UBAC2: variants seen among roughly 807,000 people sequenced by gnomAD.
UBAC2 encodes the protein ubiquitin-associated domain-containing protein 2.
A neutral mutation model predicts 44.0 loss-of-function variants in UBAC2; 26 were observed. The observed-to-expected ratio is 0.59, with a 90% CI of 0.43 to 0.82. The LOEUF is 0.82. UBAC2 is among the 40% of genes least tolerant of loss of function. The pLI, the probability that UBAC2 is intolerant of heterozygous loss-of-function variation, is 0.00. For synonymous variants in UBAC2, 155 were observed against 154.3 expected, an observed-to-expected ratio of 1.00 and a Z score of -0.04; for missense variants, 329 against 419.4, an observed-to-expected ratio of 0.78 and a Z score of 1.88.
At chr13:99,367,153 G>A (rs1241538610) in intron 7 of UBAC2, among the ~76,000 whole-genome samples, 3 of 152,128 alleles carry the variant, frequency 2.0e-5, no homozygotes, top group African/African-American at 4.8e-5. Flanking sequence ...TTCAGGATCC[G>A]TGGAGCCACC....
At chr13:99,201,680 C>G (rs964117216) in intron 1 of UBAC2, 2 of 1,167,746 alleles carry the variant, frequency 1.7e-6, no homozygotes, top group Admixed American at 4.6e-5. Context: ...GGTACAGCAA[C>G]GGAGAACAGC....
In UBAC2 at chr13:99,283,427, A is replaced by T. The variant is rs146137467; in HGVS notation, c.390-30670A>T. 3.3e-3 allele frequency among the ~76,000 whole-genome samples: 495 copies of T among 152,246 alleles called. 2 individuals carry two copies. The highest frequency in any genetic ancestry group is 5.0e-3 in the Non-Finnish European group (341 of 68,006). On this transcript the variant is annotated intron_variant, in intron 4 of 8. Coordinates refer to ENST00000403766, the MANE Select transcript of UBAC2 (RefSeq NM_001144072.2). ...TTGGAGATTTTTTTTTGACAGCAGG[A>T]TTTACCCTTTCTCTTAAGAAATCTT...
intron 7 of UBAC2, among the ~76,000 whole-genome samples, chr13:99,352,138 A>G (rs1034103065): frequency 2.6e-5 from 4 of 152,180 alleles, no homozygotes; most frequent in Non-Finnish European, 4.4e-5. Context: ...TTTGAATTCA[A>G]TAACTTTTTT....
intron 4 of UBAC2, among the ~76,000 whole-genome samples, chr13:99,286,461 T>C (rs2044020018): frequency 6.6e-6 from 1 of 152,154 alleles, no homozygotes; most frequent in African/African-American, 2.4e-5. Context: ...ACCAGCCATC[T>C]CTTATTAGGA....
intron 1 of UBAC2, chr13:99,215,386 G>A (rs2042980291): frequency 1.7e-6 from 2 of 1,208,764 alleles, no homozygotes; most frequent in African/African-American, 1.5e-5. Flanking sequence ...ACAGTCTTCT[G>A]TTGTCCTTTC....
At chr13:99,212,858 TTAAG>T (rs2042949904) in intron 1 of UBAC2, among the ~76,000 whole-genome samples, 1 of 152,248 alleles carries the variant, frequency 6.6e-6, no homozygotes, top group Admixed American at 6.5e-5. Context: ...CTCCATGTCA[TTAAG>T]TAATCTTCAA....
At chr13:99,244,679 G>C in intron 4 of UBAC2, 55 bp downstream of exon 4, 1 of 1,055,906 alleles carries the variant, frequency 9.5e-7, no homozygotes, top group Non-Finnish European at 1.4e-6. Context: ...CTGATTTAAA[G>C]TGTTATTATT....
intron 6 of UBAC2, among the ~76,000 whole-genome samples, chr13:99,331,294 G>C (rs186766604): frequency 6.6e-6 from 1 of 152,072 alleles, no homozygotes; most frequent in Non-Finnish European, 1.5e-5. Context: ...TAAATATGAA[G>C]GTGAAATAAA....
At chr13:99,372,447 A>G (rs2045419774) in intron 8 of UBAC2, 2 of 153,516 alleles carry the variant, frequency 1.3e-5, no homozygotes, top group African/African-American at 4.8e-5. Context: ...TGCCCCCCAA[A>G]GACCACTGCC....
chr13:99,234,650 C>T (rs879577353), intron 1 of UBAC2, among the ~76,000 whole-genome samples: 2 of 152,190 alleles, frequency 1.3e-5, no homozygotes, highest in Non-Finnish European at 2.9e-5. Flanking sequence ...GTCTTCTGGG[C>T]CCCAGGTCCT....
At chr13:99,205,828 C>T (rs1336971558) in intron 1 of UBAC2, 1 of 163,976 alleles carries the variant, frequency 6.1e-6, no homozygotes, top group African/African-American at 2.4e-5. Flanking sequence ...GTGCGTCCCT[C>T]CCGAAGCTGC....
At chr13:99,345,127 G>A (rs1161922510) in intron 7 of UBAC2, among the ~76,000 whole-genome samples, 1 of 152,244 alleles carries the variant, frequency 6.6e-6, no homozygotes, top group East Asian at 1.9e-4. Context: ...AGTGAGGCAT[G>A]GAGGTGCTAA....
rs138256015 is a variant in UBAC2 at position 99,314,167 on chromosome 13, C to A, written c.460C>A (p.Leu154Met). 230 of 1,613,256 alleles carry A rather than the reference C, an allele frequency of 1.4e-4. No homozygotes were observed. The African/African-American group carries it at 2.7e-3, about 19-fold the overall frequency. ...SIPRVQVAQI[L>M]GPLSITNKTL... ...ACCAAGAGTCCAAGTGGCACAAATT[C>A]TGGGTCCGTTGTCCATCACAAACAA... Residue 154 changes from leucine (L) to methionine (M), a missense_variant, in exon 5 of 9, where the codon CTG becomes ATG. By Grantham distance (15) the Leu-to-Met change is conservative. Transcript: ENST00000403766.
At chr13:99,302,814 C>A (rs2044276264) in intron 4 of UBAC2, among the ~76,000 whole-genome samples, 1 of 152,208 alleles carries the variant, frequency 6.6e-6, no homozygotes, top group Admixed American at 6.5e-5. Flanking sequence ...TGCTAACCAA[C>A]TGTCACAGTA....
At chr13:99,318,538 C>T in intron 6 of UBAC2, among the ~76,000 whole-genome samples, 1 of 150,942 alleles carries the variant, frequency 6.6e-6, no homozygotes, top group Admixed American at 6.6e-5. Flanking sequence ...GGGCCAGTCA[C>T]GGCCAGGCGC....
At chr13:99,297,881 T>A (rs2044200187) in intron 4 of UBAC2, among the ~76,000 whole-genome samples, 1 of 150,790 alleles carries the variant, frequency 6.6e-6, no homozygotes, top group African/African-American at 2.4e-5. Flanking sequence ...AGGTTGAGAA[T>A]AAAGGCAAGA....
At chr13:99,271,160 T>C (rs1340409205) in intron 4 of UBAC2, among the ~76,000 whole-genome samples, 1 of 152,110 alleles carries the variant, frequency 6.6e-6, no homozygotes, top group Admixed American at 6.5e-5. Flanking sequence ...ATTTGTAATA[T>C]ATATATGCCA....
At chr13:99,284,834 A>G (rs2043997746) in intron 4 of UBAC2, among the ~76,000 whole-genome samples, 1 of 152,188 alleles carries the variant, frequency 6.6e-6, no homozygotes, top group Non-Finnish European at 1.5e-5. Flanking sequence ...GCTGCTGGAA[A>G]ATTAAAGTTT....
chr13:99,245,384 C>T (rs562348059), intron 4 of UBAC2, among the ~76,000 whole-genome samples: 10 of 152,208 alleles, frequency 6.6e-5, no homozygotes, highest in East Asian at 5.8e-4. Context: ...AAAACAAAGC[C>T]GGTGTATAGG....
Sources: gnomAD v4.1 joint callset for allele counts (sites outside exome capture counted in the v4.1 genomes callset) on GRCh38, gnomAD v4.1.1 for gene constraint, MANE v1.5 for transcripts, NCBI Gene and HGNC (gene_info 2026-07-23, HGNC 2026-07-21) for gene names.